The following CCNY variants were observed in gnomAD, a reference collection of about 807,000 sequenced individuals.
CCNY encodes cyclin Y, also known as cyclin-Y.
CCNY carries 19 observed loss-of-function variants against 42.8 expected under a neutral mutation model. The observed-to-expected ratio is 0.44, with a 90% CI of 0.31 to 0.65. The LOEUF is 0.65. CCNY is among the 30% of genes least tolerant of loss of function. CCNY has a pLI of 0.07. For missense variants in CCNY, 370 were observed against 437.3 expected (o/e 0.85, Z 1.37); for synonymous variants, 165 against 162.7 (o/e 1.01, Z -0.11).
intron 3 of CCNY, among the ~76,000 whole-genome samples, chr10:35,326,543 C>CT (rs1835882357): frequency 6.6e-6 from 1 of 152,162 alleles, no homozygotes; most frequent in Non-Finnish European, 1.5e-5. Flanking sequence ...GCCTTTTAGT[C>CT]TAAGAGCTAG....
At chr10:35,278,420 C>T (rs1288486006) in intron 3 of CCNY, among the ~76,000 whole-genome samples, 1 of 151,512 alleles carries the variant, frequency 6.6e-6, no homozygotes, top group African/African-American at 2.4e-5. Context: ...CTCCGCCCAA[C>T]ACTAGTGATG....
intron 1 of CCNY, among the ~76,000 whole-genome samples, chr10:35,357,146 C>G (rs995044866): frequency 3.3e-5 from 5 of 152,166 alleles, no homozygotes; most frequent in Non-Finnish European, 5.9e-5. Flanking sequence ...TTCCTAAGAA[C>G]ATAATCCAGA....
intron 1 of CCNY, among the ~76,000 whole-genome samples, chr10:35,432,103 G>A (rs1024418604): frequency 6.6e-6 from 1 of 152,142 alleles, no homozygotes; most frequent in African/African-American, 2.4e-5. Context: ...TGATTCATGT[G>A]GCGTATTTTT....
chr10:35,294,775 T>G (rs921172478), intron 3 of CCNY, among the ~76,000 whole-genome samples: 1 of 152,232 alleles, frequency 6.6e-6, no homozygotes, highest in African/African-American at 2.4e-5. Flanking sequence ...TTGGGAAGCA[T>G]TTTATACCCT....
At chr10:35,258,156 G>C (rs1485470068) in intron 3 of CCNY, among the ~76,000 whole-genome samples, 1 of 152,012 alleles carries the variant, frequency 6.6e-6, no homozygotes, top group Non-Finnish European at 1.5e-5. Context: ...GTGAGACTCT[G>C]TCTCTAAATA....
chr10:35,511,066 A>T (rs556756477), intron 3 of CCNY, among the ~76,000 whole-genome samples: 2 of 152,168 alleles, frequency 1.3e-5, no homozygotes, highest in Non-Finnish European at 2.9e-5. Flanking sequence ...TCACTGCCCA[A>T]TGGTGCAGGC....
chr10:35,563,725 G>A (rs1841510612), intron 8 of CCNY, among the ~76,000 whole-genome samples: 1 of 151,864 alleles, frequency 6.6e-6, no homozygotes, highest in South Asian at 2.1e-4. Flanking sequence ...TTTATTTTTG[G>A]GACAGAGTTT....
rs150647892 is a variant in CCNY, at chr10:35,376,601, C to T, written c.154+39394C>T. 3.9e-5 allele frequency among the ~76,000 whole-genome samples: 6 copies of T among 152,222 alleles called. No individual in the cohort carries two copies. The East Asian group carries it at 7.7e-4, about 20-fold the overall frequency. On this transcript the variant is annotated intron_variant, in intron 1 of 9. Coordinates refer to ENST00000374704, the MANE Select transcript of CCNY (RefSeq NM_145012.6). The stretch of plus-strand genomic sequence containing the variant: ...TTTGGATTTTTGTATTAGGGATGGC[C>T]AGCTGATAAGCATATAATGCATATG...
intron 1 of CCNY, among the ~76,000 whole-genome samples, chr10:35,437,971 C>T (rs1263541432): frequency 1.3e-5 from 2 of 152,182 alleles, no homozygotes; most frequent in Non-Finnish European, 2.9e-5. Flanking sequence ...CTTCACCCCA[C>T]AGCCTACTCT....
intron 3 of CCNY, among the ~76,000 whole-genome samples, chr10:35,310,871 T>G (rs1835675048): frequency 6.6e-6 from 1 of 152,234 alleles, no homozygotes; most frequent in South Asian, 2.1e-4. Flanking sequence ...CCGGGAATCG[T>G]GGCTCACGCC....
chr10:35,377,605 G>A (rs1374698762), intron 1 of CCNY, among the ~76,000 whole-genome samples: 1 of 152,152 alleles, frequency 6.6e-6, no homozygotes, highest in East Asian at 1.9e-4. Context: ...AAGCATGACT[G>A]TACCTATTTA....
chr10:35,264,503 C>T (rs2095722927), intron 3 of CCNY, among the ~76,000 whole-genome samples: 1 of 152,148 alleles, frequency 6.6e-6, no homozygotes, highest in African/African-American at 2.4e-5. Context: ...TTAATAATAG[C>T]CACTCTGACT....
At chr10:35,501,365 T>C (rs766643930) in intron 2 of CCNY, 136 bp from the exon 3 acceptor site, 23 of 709,342 alleles carry the variant, frequency 3.2e-5, no homozygotes, top group Non-Finnish European at 5.2e-5. Flanking sequence ...TGTATTCTTA[T>C]GTTTGATAAA....
At chr10:35,479,086 C>A (rs1250700705) in intron 1 of CCNY, among the ~76,000 whole-genome samples, 1 of 151,822 alleles carries the variant, frequency 6.6e-6, no homozygotes, top group Admixed American at 6.6e-5. Context: ...GAATGGCAAT[C>A]ATTAAAAAGT....
chr10:35,528,813 G>C (rs1436693164), intron 5 of CCNY, among the ~76,000 whole-genome samples: 2 of 152,182 alleles, frequency 1.3e-5, no homozygotes, highest in Non-Finnish European at 2.9e-5. Flanking sequence ...TTTTTACACA[G>C]ATGGTAAATT....
chr10:35,329,924 G>T (rs1266148522), intron 3 of CCNY, among the ~76,000 whole-genome samples: 1 of 152,162 alleles, frequency 6.6e-6, no homozygotes, highest in East Asian at 1.9e-4. Flanking sequence ...CTCCTGGGGG[G>T]CCCAGGGCTA....
intron 3 of CCNY, among the ~76,000 whole-genome samples, chr10:35,265,960 A>G (rs990081938): frequency 2.6e-5 from 4 of 152,226 alleles, no homozygotes; most frequent in African/African-American, 9.6e-5. Context: ...TTCTACAAGC[A>G]CAATTATTTG....
At chr10:35,518,752 T>C (rs1216069283) in intron 4 of CCNY, among the ~76,000 whole-genome samples, 2 of 137,720 alleles carry the variant, frequency 1.5e-5, no homozygotes, top group African/African-American at 3.0e-5. Context: ...CTGTGGGTAT[T>C]TGGATTTGTA....
chr10:35,397,240 G>A (rs1837546105), intron 1 of CCNY, among the ~76,000 whole-genome samples: 1 of 152,250 alleles, frequency 6.6e-6, no homozygotes, highest in Admixed American at 6.5e-5. Flanking sequence ...AGCCGGCCTT[G>A]TGCAGGCAGC....
Sources: allele counts gnomAD v4.1 joint callset (sites outside exome capture counted in the v4.1 genomes callset), GRCh38; gene constraint gnomAD v4.1.1; transcripts MANE v1.5; gene names NCBI Gene and HGNC (gene_info 2026-07-23, HGNC 2026-07-21).